ZNF273: variants seen among roughly 807,000 people sequenced by gnomAD.
The protein encoded by ZNF273 is zinc finger protein 9.
A neutral mutation model predicts 14.9 loss-of-function variants in ZNF273; 11 were observed. That is an observed-to-expected ratio of 0.74 (90% CI 0.46 to 1.22). ZNF273 has a LOEUF of 1.22. Among genes scored for constraint, ZNF273 ranks in the 50% most tolerant of loss-of-function variants. The pLI, the probability that ZNF273 is intolerant of heterozygous loss-of-function variation, is 0.00. For missense variants in ZNF273, 577 were observed against 660.6 expected, an observed-to-expected ratio of 0.87 and a Z score of 1.39; for synonymous variants, 199 against 223.9, an observed-to-expected ratio of 0.89 and a Z score of 0.99.
At chr7:64,913,064 G>T in intron 1 of ZNF273, among the ~76,000 whole-genome samples, 1 of 151,736 alleles carries the variant, frequency 6.6e-6, no homozygotes, top group Admixed American at 6.6e-5. Context: ...CCTGACCTCA[G>T]GTGATCTATC....
chr7:64,910,382 T>C (rs10277215), intron 1 of ZNF273, among the ~76,000 whole-genome samples: 63,382 of 152,070 alleles, frequency 0.42, 13,436 homozygotes, highest in South Asian at 0.45. Flanking sequence ...CCAGTTTCAA[T>C]CTTATACATA....
intron 3 of ZNF273, chr7:64,923,467 GA>G: frequency 2.3e-6 from 1 of 428,212 alleles, no homozygotes; most frequent in Non-Finnish European, 4.6e-6. Flanking sequence ...TCAGCCTCCC[GA>G]GTAGCTGGGA....
chr7:64,912,723 T>C (rs1204575926), intron 1 of ZNF273, among the ~76,000 whole-genome samples: 1 of 151,990 alleles, frequency 6.6e-6, no homozygotes, highest in Non-Finnish European at 1.5e-5. Flanking sequence ...CTTAAAGCAT[T>C]TAGATTATAT....
downstream of ZNF273, among the ~76,000 whole-genome samples, chr7:64,883,324 C>A (rs1381444577): frequency 2.0e-5 from 3 of 151,902 alleles, no homozygotes; most frequent in African/African-American, 4.8e-5. Flanking sequence ...AGGGCCAGAC[C>A]CTAGCAGTCC....
At chr7:64,889,994 G>T, downstream of ZNF273, 1 of 153,842 alleles carries the variant, frequency 6.5e-6, no homozygotes, top group Non-Finnish European at 1.4e-5. This position sits in a 1 kb window ranked among gnomAD's most constrained non-coding sequence, Gnocchi z 4.2. Context: ...CACTGCCCCA[G>T]CCGGTGAGAG....
intron 1 of ZNF273, among the ~76,000 whole-genome samples, chr7:64,904,908 A>C (rs1328307576): frequency 6.6e-6 from 1 of 151,840 alleles, no homozygotes; most frequent in East Asian, 1.9e-4. Context: ...TTCCTCAGCC[A>C]CTCCTCAGTG....
At position 64,928,187 on chromosome 7, in the gene ZNF273, G is replaced by T. The variant is rs760430047; in HGVS notation, c.859G>T (p.Glu287Ter). The T allele has an allele frequency of 1.2e-6, 2 of 1,613,414 alleles. No individual in the cohort carries two copies. Among genetic ancestry groups the T allele is most frequent in the Non-Finnish European group, 1.7e-6 (2 of 1,179,768 alleles). The change falls in exon 4 of 4, where the codon GAG (glutamate) becomes TAG (stop). Residue 287 changes from glutamate (E) to a stop codon, truncating the protein, a stop_gained. Coordinates refer to ENST00000476120, the MANE Select transcript of ZNF273 (RefSeq NM_021148.3). LOFTEE classifies it low-confidence loss of function (END_TRUNC). The stretch of plus-strand genomic sequence containing the variant: ...TAAACATAAAAAAATTCATACTGAA[G>T]AGAAACCTTACAAATGTGAAGATTG... ...LTKHKKIHTE[E>*]KPYKCEDCGK...
At position 64,928,130 on chromosome 7, in the gene ZNF273, G is replaced by C. The variant is rs143625504; in HGVS notation, c.802G>C (p.Gly268Arg). Residue 268 changes from glycine to arginine, a missense_variant, in exon 4 of 4, where the codon GGC (glycine) becomes CGC (arginine). Coordinates refer to ENST00000476120, the MANE Select transcript of ZNF273 (RefSeq NM_021148.3). ...EVNPYKCEEC[G>R]KAFNQSLTLT... ...GAATCCCTACAAATGTGAAGAATGT[G>C]GCAAAGCCTTTAACCAGTCCTTAAC... 26 of 1,613,366 alleles carry C rather than the reference G, an allele frequency of 1.6e-5. No homozygotes were observed. The African/African-American group carries it at 3.1e-4, about 19-fold the overall frequency.
downstream of ZNF273, chr7:64,889,078 C>A: frequency 1.0e-6 from 1 of 985,962 alleles, no homozygotes; most frequent in Non-Finnish European, 1.2e-6. This position sits in a 1 kb window ranked among gnomAD's most constrained non-coding sequence, Gnocchi z 4.2. Flanking sequence ...AGAGCGCAGC[C>A]GTTTTGCGGA....
chr7:64,905,926 G>A (rs890974631), intron 1 of ZNF273, among the ~76,000 whole-genome samples: 176 of 152,240 alleles, frequency 1.2e-3, no homozygotes, highest in African/African-American at 3.8e-3. Context: ...TTACAAAAAG[G>A]TGGGTTTCAG....
At position 64,930,128 on chromosome 7, in the gene ZNF273, T is replaced by C. The variant is rs1200491375; in HGVS notation, c.*1090T>C. 2.0e-5 allele frequency: 3 copies of C among 152,260 alleles called. No individual in the cohort carries two copies. Among genetic ancestry groups the C allele is most frequent in the African/African-American group, 7.2e-5 (3 of 41,460 alleles). 9.4% of individuals were successfully genotyped at this position (152,260 alleles called of 1,614,324 possible). On this transcript the variant is annotated 3_prime_UTR_variant, in exon 4 of 4. Coordinates refer to ENST00000476120, the MANE Select transcript of ZNF273 (RefSeq NM_021148.3). ...ATATGCCCGCCTCGGCCTCCCAAAA[T>C]GTTGGGATTACAGGCATGAGCCACT...
In ZNF273 at chr7:64,929,696, A is replaced by G. The variant is rs1272836800; in HGVS notation, c.*658A>G. The G allele has an allele frequency of 6.6e-6, 1 of 152,280 alleles. No homozygotes were observed. Among genetic ancestry groups the G allele is most frequent in the Non-Finnish European group, 1.5e-5 (1 of 68,056 alleles). 9.4% of individuals were successfully genotyped at this position (152,280 alleles called of 1,614,324 possible). ...TGAGTACAGAAAGTTATCCAAAACAAAAGTTGGTAGATAACTAATAGTGAA... is the reference window on the plus strand; with the variant it reads ...TGAGTACAGAAAGTTATCCAAAACAGAAGTTGGTAGATAACTAATAGTGAA... On this transcript the variant is annotated 3_prime_UTR_variant, in exon 4 of 4. Transcript: ENST00000476120.
downstream of ZNF273, among the ~76,000 whole-genome samples, chr7:64,932,847 G>A (rs927541579): frequency 2.0e-5 from 3 of 152,070 alleles, no homozygotes; most frequent in African/African-American, 4.8e-5. Context: ...ATTTGAACGC[G>A]GGAGTAACGT....
chr7:64,886,054 G>C (rs984496548), intron 1 of ZNF273, among the ~76,000 whole-genome samples: 1 of 152,218 alleles, frequency 6.6e-6, no homozygotes, highest in African/African-American at 2.4e-5. Context: ...TGCAGGCTTA[G>C]GTGGGGGAAA....
downstream of ZNF273, among the ~76,000 whole-genome samples, chr7:64,881,572 A>AT (rs1164866829): frequency 2.0e-5 from 3 of 152,148 alleles, no homozygotes; most frequent in Non-Finnish European, 4.4e-5. Flanking sequence ...TTGCCGGGTA[A>AT]TCTAGGCTCT....
chr7:64,914,185 T>G (rs1420368773), intron 1 of ZNF273, among the ~76,000 whole-genome samples: 2 of 109,586 alleles, frequency 1.8e-5, no homozygotes, highest in South Asian at 6.3e-4. Flanking sequence ...TTTTTGTATT[T>G]TTTTTTTTTT....
chr7:64,890,973 A>G (rs1222488049), downstream of ZNF273, among the ~76,000 whole-genome samples: 1 of 152,214 alleles, frequency 6.6e-6, no homozygotes. Context: ...GAAACCATGA[A>G]GCTTTCAGCC....
chr7:64,885,079 C>T (rs913728543), intron 1 of ZNF273, among the ~76,000 whole-genome samples: 2 of 152,198 alleles, frequency 1.3e-5, no homozygotes, highest in African/African-American at 4.8e-5. Context: ...GCCACCGTTG[C>T]CTGGTGACAA....
intron 3 of ZNF273, among the ~76,000 whole-genome samples, chr7:64,919,441 G>A (rs1035754298): frequency 1.3e-5 from 2 of 151,984 alleles, no homozygotes; most frequent in African/African-American, 2.4e-5. Context: ...TCAGGAGTTC[G>A]AGACCAGTCT....
Sources: allele counts gnomAD v4.1 joint callset (sites outside exome capture counted in the v4.1 genomes callset), GRCh38; gene constraint gnomAD v4.1.1; non-coding constraint Gnocchi (gnomAD v3.1); transcripts MANE v1.5; gene names NCBI Gene and HGNC (gene_info 2026-07-23, HGNC 2026-07-21).